DNM1L: variants seen among roughly 807,000 people sequenced by gnomAD.
DNM1L encodes the protein dynamin 1L.
A neutral mutation model predicts 92.8 loss-of-function variants in DNM1L; 33 were observed. The ratio of observed to expected loss-of-function variants is 0.36; its 90% confidence interval spans 0.27 to 0.48. DNM1L has a LOEUF of 0.48. Ranked by LOEUF, DNM1L falls within the 20% of genes least tolerant of loss-of-function variation. The probability of loss-of-function intolerance (pLI) is 0.99; values close to 1 mark genes in which losing one functional copy is unlikely to be tolerated. For synonymous variants in DNM1L, 284 were observed against 305.0 expected, an observed-to-expected ratio of 0.93 and a Z score of 0.72; for missense variants, 485 against 888.8, an observed-to-expected ratio of 0.55 and a Z score of 5.78.
At chr12:32,702,426 A>G (rs1460661754) in intron 2 of DNM1L, among the ~76,000 whole-genome samples, 1 of 152,106 alleles carries the variant, frequency 6.6e-6, no homozygotes, top group African/African-American at 2.4e-5. Context: ...AACGTATTTA[A>G]TCTTCCTATT....
intron 9 of DNM1L, among the ~76,000 whole-genome samples, chr12:32,729,806 T>C (rs1434756077): frequency 6.6e-6 from 1 of 152,214 alleles, no homozygotes; most frequent in Non-Finnish European, 1.5e-5. Context: ...ATATTTCATA[T>C]AAATTGAATC....
chr12:32,690,287 A>C (rs1952183670), intron 1 of DNM1L, among the ~76,000 whole-genome samples: 1 of 152,204 alleles, frequency 6.6e-6, no homozygotes, highest in South Asian at 2.1e-4. Flanking sequence ...ATTAGTTGCC[A>C]ATGTTTAAAA....
chr12:32,709,403 A>G lies in DNM1L; in HGVS notation c.369+1179A>G, dbSNP rs184509987. 9 of 152,328 alleles carry G rather than the reference A, an allele frequency of 5.9e-5. 1 individual carries two copies. The East Asian group carries it at 1.7e-3, about 29-fold the overall frequency. 9.4% of individuals were successfully genotyped at this position (152,328 alleles called of 1,614,324 possible). On this transcript the variant is annotated intron_variant, in intron 4 of 19. Coordinates refer to ENST00000549701, the MANE Select transcript of DNM1L (RefSeq NM_012062.5). ...ATTGGTGGTAATTTTACACAGTACC[A>G]GAATTTAGAGTGTTGTGATGATTCA...
At chr12:32,691,788 G>T (rs1197258769) in intron 1 of DNM1L, among the ~76,000 whole-genome samples, 1 of 152,180 alleles carries the variant, frequency 6.6e-6, no homozygotes, top group Admixed American at 6.6e-5. Flanking sequence ...AGCACTTGGA[G>T]CAGATGAGGA....
At chr12:32,705,869 CT>C in intron 2 of DNM1L, 1 of 1,597,724 alleles carries the variant, frequency 6.3e-7, no homozygotes, top group East Asian at 2.2e-5. Flanking sequence ...TAAAGGTTTC[CT>C]TTATCCATTT....
At chr12:32,717,415 TTTAAATATATACTATATATATTTTAA>T (rs1953498720) in intron 6 of DNM1L, among the ~76,000 whole-genome samples, 1 of 42,278 alleles carries the variant, frequency 2.4e-5, no homozygotes, top group African/African-American at 2.4e-4. Flanking sequence ...TAATATATAT[TTTAAATATATACTATATATATTTTAA>T]ATATATACTA....
At chr12:32,722,731 T>A (rs1315648824) in intron 9 of DNM1L, 98 bp downstream of exon 9, 1 of 908,200 alleles carries the variant, frequency 1.1e-6, no homozygotes, top group Non-Finnish European at 1.7e-6. Flanking sequence ...TGATTAAGAT[T>A]TATTTTCTAT....
intron 3 of DNM1L, 114 bp downstream of exon 3, chr12:32,707,527 CTA>C: frequency 2.9e-6 from 2 of 696,016 alleles, no homozygotes; most frequent in Non-Finnish European, 2.3e-6. Flanking sequence ...GTAACTATAA[CTA>C]TTCCTTATAA....
At chr12:32,679,715 G>T in intron 1 of DNM1L, 1 of 1,199,244 alleles carries the variant, frequency 8.3e-7, no homozygotes, top group South Asian at 2.9e-5. Flanking sequence ...GGCCTGGCTA[G>T]CCCGGCGGGT....
intron 1 of DNM1L, among the ~76,000 whole-genome samples, chr12:32,695,372 A>G (rs1952398336): frequency 6.6e-6 from 1 of 152,218 alleles, no homozygotes; most frequent in Non-Finnish European, 1.5e-5. Context: ...ACTGTGAGAT[A>G]TTAAGACAAA....
At chr12:32,679,621 G>T in intron 1 of DNM1L, 156 bp downstream of exon 1, 1 of 1,351,804 alleles carries the variant, frequency 7.4e-7, no homozygotes, top group Non-Finnish European at 9.5e-7. Context: ...GGCTCTCCGG[G>T]CTCTGCCGCA....
intron 1 of DNM1L, among the ~76,000 whole-genome samples, chr12:32,687,849 C>A (rs1952083782): frequency 6.6e-6 from 1 of 152,112 alleles, no homozygotes; most frequent in African/African-American, 2.4e-5. Context: ...AGAAGTGTAA[C>A]TTTACCAGCA....
intron 1 of DNM1L, among the ~76,000 whole-genome samples, chr12:32,691,462 C>T (rs1952231563): frequency 6.6e-6 from 1 of 152,052 alleles, no homozygotes. Context: ...CCAGGATGGT[C>T]TCAATCTCTT....
intron 5 of DNM1L, among the ~76,000 whole-genome samples, chr12:32,712,658 A>AG (rs1452292532): frequency 6.7e-6 from 1 of 149,198 alleles, no homozygotes; most frequent in Non-Finnish European, 1.5e-5. Context: ...TCAAAAAAAA[A>AG]AAAAAAAAAA....
At chr12:32,718,126 A>T (rs1207421693) in intron 6 of DNM1L, among the ~76,000 whole-genome samples, 1 of 140,376 alleles carries the variant, frequency 7.1e-6, no homozygotes, top group Non-Finnish European at 1.5e-5. Flanking sequence ...AATATAGTAT[A>T]TATATTTTAT....
At chr12:32,686,092 C>T (rs1183746686) in intron 1 of DNM1L, among the ~76,000 whole-genome samples, 1 of 130,966 alleles carries the variant, frequency 7.6e-6, no homozygotes, top group Non-Finnish European at 1.5e-5. Context: ...CTCTTGTTGC[C>T]CAGGCTGGAG....
At chr12:32,710,220 T>C (rs897003418) in intron 4 of DNM1L, among the ~76,000 whole-genome samples, 1 of 152,228 alleles carries the variant, frequency 6.6e-6, no homozygotes, top group African/African-American at 2.4e-5. Context: ...AAGAGTTAGA[T>C]AAACTTCTTG....
intron 1 of DNM1L, among the ~76,000 whole-genome samples, chr12:32,699,152 G>T (rs1199179919): frequency 6.6e-6 from 1 of 152,290 alleles, no homozygotes; most frequent in East Asian, 1.9e-4. Context: ...TCTCAAATGG[G>T]ACAGCAAAAG....
intron 5 of DNM1L, 104 bp downstream of exon 5, chr12:32,711,119 A>G: frequency 9.9e-7 from 1 of 1,007,852 alleles, no homozygotes; most frequent in Non-Finnish European, 1.6e-6. Flanking sequence ...ATCTGTTAGC[A>G]GCATTTGATA....
Sources: gnomAD v4.1 joint callset for allele counts (sites outside exome capture counted in the v4.1 genomes callset) on GRCh38, gnomAD v4.1.1 for gene constraint, MANE v1.5 for transcripts, NCBI Gene and HGNC (gene_info 2026-07-23, HGNC 2026-07-21) for gene names.